Variants in CDH18 observed in about 807,000 individuals in gnomAD.
CDH18 encodes cadherin-18.
Under a neutral mutation model 67.9 loss-of-function variants are expected in CDH18, and 31 were observed. That is an observed-to-expected ratio of 0.46 (90% confidence interval 0.34 to 0.62). The LOEUF (loss-of-function observed/expected upper bound fraction) is 0.62, where lower values mean the gene tolerates loss of function less well. Among genes scored for constraint, CDH18 ranks in the 20% least tolerant of loss-of-function variants. The pLI is 0.01. For missense variants in CDH18, 890 were observed against 975.5 expected (o/e 0.91, Z 1.17); for synonymous variants, 362 against 347.2 (o/e 1.04, Z -0.48).
intron 8 of CDH18, among the ~76,000 whole-genome samples, chr5:19,547,699 T>C (rs1309127996): frequency 6.6e-6 from 1 of 152,226 alleles, no homozygotes; most frequent in Non-Finnish European, 1.5e-5. Flanking sequence ...AGCATACTGC[T>C]AGGCATGCAT....
At chr5:20,249,180 A>G (rs1281690693) in intron 2 of CDH18, among the ~76,000 whole-genome samples, 1 of 152,190 alleles carries the variant, frequency 6.6e-6, no homozygotes, top group East Asian at 1.9e-4. Context: ...ATATTAAATA[A>G]TGTGATCAAG....
At chr5:19,722,565 T>C (rs749788953) in intron 4 of CDH18, among the ~76,000 whole-genome samples, 1 of 147,658 alleles carries the variant, frequency 6.8e-6, no homozygotes, top group Non-Finnish European at 1.5e-5. Context: ...TACACCTATA[T>C]AATATTTCAA....
At chr5:19,882,357 A>G (rs2150059043) in intron 2 of CDH18, among the ~76,000 whole-genome samples, 1 of 152,252 alleles carries the variant, frequency 6.6e-6, no homozygotes, top group South Asian at 2.1e-4. Flanking sequence ...ATTCATTTTT[A>G]TTATAAAATG....
At chr5:20,245,311 T>A (rs1372517259) in intron 2 of CDH18, among the ~76,000 whole-genome samples, 1 of 152,090 alleles carries the variant, frequency 6.6e-6, no homozygotes. Flanking sequence ...CATTTTTATA[T>A]CCCCATAAAT....
At chr5:20,320,469 T>C (rs556284752) in intron 1 of CDH18, among the ~76,000 whole-genome samples, 1 of 152,272 alleles carries the variant, frequency 6.6e-6, no homozygotes, top group African/African-American at 2.4e-5. Flanking sequence ...TTTCCCTAAC[T>C]CAACCTAATT....
At chr5:19,930,181 A>G (rs1267533840) in intron 2 of CDH18, among the ~76,000 whole-genome samples, 1 of 152,110 alleles carries the variant, frequency 6.6e-6, no homozygotes, top group African/African-American at 2.4e-5. Flanking sequence ...AAGGGAGGAT[A>G]AGTGACATAC....
At chr5:19,930,968 C>T (rs971763708) in intron 2 of CDH18, among the ~76,000 whole-genome samples, 1 of 151,962 alleles carries the variant, frequency 6.6e-6, no homozygotes, top group Admixed American at 6.6e-5. Context: ...GATCAAGACT[C>T]TCAGTTGCTA....
At chr5:20,184,961 T>A (rs962554440) in intron 2 of CDH18, among the ~76,000 whole-genome samples, 2 of 152,028 alleles carry the variant, frequency 1.3e-5, no homozygotes, top group Non-Finnish European at 2.9e-5. Context: ...GACCTCAGGG[T>A]CACCATCATA....
chr5:20,135,992 G>A (rs1580323159), intron 2 of CDH18, among the ~76,000 whole-genome samples: 1 of 152,166 alleles, frequency 6.6e-6, no homozygotes. Context: ...TACATTTGCT[G>A]AGGAGTGCTT....
At chr5:20,569,764 T>C (rs1436352775) in intron 1 of CDH18, among the ~76,000 whole-genome samples, 7 of 152,200 alleles carry the variant, frequency 4.6e-5, no homozygotes, top group African/African-American at 1.7e-4. Context: ...TGTCAAAACT[T>C]GGTAGTAACC....
chr5:20,456,561 A>G (rs1030754943), intron 1 of CDH18, among the ~76,000 whole-genome samples: 3 of 152,152 alleles, frequency 2.0e-5, no homozygotes, highest in South Asian at 2.1e-4. Flanking sequence ...GAGAAATAAA[A>G]TTAGTACAAA....
intron 6 of CDH18, among the ~76,000 whole-genome samples, chr5:19,592,258 C>G (rs79696180): frequency 0.016 from 2,467 of 152,082 alleles, 69 homozygotes; most frequent in African/African-American, 0.056. Flanking sequence ...TTTATACTCT[C>G]ATTGTCTAAT....
intron 1 of CDH18, among the ~76,000 whole-genome samples, chr5:20,500,531 T>C (rs956074669): frequency 6.6e-6 from 1 of 152,216 alleles, no homozygotes; most frequent in African/African-American, 2.4e-5. Flanking sequence ...ACAGGTATAA[T>C]GGCCTTCATC....
intron 1 of CDH18, among the ~76,000 whole-genome samples, chr5:20,284,019 T>C (rs544336582): frequency 1.3e-5 from 2 of 152,112 alleles, no homozygotes; most frequent in East Asian, 3.9e-4. Context: ...TCACATGTTT[T>C]CACTCACTTT....
chr5:19,603,800 A>G (rs1747569562), intron 6 of CDH18, among the ~76,000 whole-genome samples: 1 of 149,310 alleles, frequency 6.7e-6, no homozygotes, highest in African/African-American at 2.4e-5. Flanking sequence ...TGTTTATAGT[A>G]TCAATAAAAT....
At chr5:19,628,455 A>G (rs928813620) in intron 5 of CDH18, among the ~76,000 whole-genome samples, 4 of 152,164 alleles carry the variant, frequency 2.6e-5, no homozygotes, top group African/African-American at 9.7e-5. Context: ...GAGATAGGTT[A>G]AAAGAGAAAT....
chr5:20,327,294 A>G (rs1738691166), intron 1 of CDH18, among the ~76,000 whole-genome samples: 1 of 151,974 alleles, frequency 6.6e-6, no homozygotes, highest in African/African-American at 2.4e-5. Context: ...CATTTCCTCT[A>G]CTCTCTCTTG....
chr5:19,856,963 T>A (rs949732350), intron 2 of CDH18, among the ~76,000 whole-genome samples: 2 of 152,038 alleles, frequency 1.3e-5, no homozygotes, highest in Non-Finnish European at 2.9e-5. Flanking sequence ...TCACTCACGA[T>A]TGTAATCCCA....
At chr5:20,131,649 T>C (rs571084517) in intron 2 of CDH18, among the ~76,000 whole-genome samples, 10 of 152,250 alleles carry the variant, frequency 6.6e-5, no homozygotes, top group East Asian at 3.9e-4. Context: ...TATTAGGAAA[T>C]AGAACTAGTT....
Sources: allele counts gnomAD v4.1 joint callset (sites outside exome capture counted in the v4.1 genomes callset), GRCh38; gene constraint gnomAD v4.1.1; transcripts MANE v1.5; gene names NCBI Gene and HGNC (gene_info 2026-07-23, HGNC 2026-07-21).